The following ANTXR2 variants were observed in gnomAD, a reference collection of about 807,000 sequenced individuals.
ANTXR2 encodes the protein anthrax toxin receptor 2.
A neutral mutation model predicts 73.7 loss-of-function variants in ANTXR2; 44 were observed. That is an observed-to-expected ratio of 0.60 (90% CI 0.47 to 0.77). The LOEUF (loss-of-function observed/expected upper bound fraction) is 0.77, where lower values mean the gene tolerates loss of function less well. ANTXR2 is among the 30% of genes least tolerant of loss of function. The pLI, the probability that ANTXR2 is intolerant of heterozygous loss-of-function variation, is 0.00. For synonymous variants in ANTXR2, 217 were observed against 205.9 expected (o/e 1.05, Z -0.46); for missense variants, 604 against 592.5 (o/e 1.02, Z -0.20).
intron 12 of ANTXR2, among the ~76,000 whole-genome samples, chr4:79,986,989 A>T (rs1730196113): frequency 1.3e-5 from 2 of 152,250 alleles, no homozygotes; most frequent in Non-Finnish European, 2.9e-5. Flanking sequence ...AAAAGCAAAT[A>T]GCTTCATCCA....
chr4:79,912,309 G>A (rs1476741493), intron 16 of ANTXR2, among the ~76,000 whole-genome samples: 1 of 151,652 alleles, frequency 6.6e-6, no homozygotes, highest in African/African-American at 2.4e-5. Flanking sequence ...TAAAGAATTA[G>A]GCAAATTAAT....
intron 12 of ANTXR2, among the ~76,000 whole-genome samples, chr4:80,000,549 T>A (rs1325532849): frequency 1.3e-5 from 2 of 152,080 alleles, no homozygotes; most frequent in Non-Finnish European, 2.9e-5. Flanking sequence ...CATGAAATTA[T>A]TAGTCTATAA....
Position 80,055,996 on chromosome 4 carries a change from C to G in ANTXR2, c.314G>C (p.Gly105Ala), listed in dbSNP as rs137852902. The change falls in exon 4 of 17, where the codon GGC becomes GCC. Residue 105 changes from glycine (G) to alanine (A), a missense_variant. By Grantham distance (60) the Gly-to-Ala change is moderately conservative. Transcript: ENST00000403729. ...ACTAACACGTTTTAAATCCTCCAAGCCTTTACTGATTTTGCCTCTGAAAAT... is the reference window on the plus strand; with the variant it reads ...ACTAACACGTTTTAAATCCTCCAAGGCTTTACTGATTTTGCCTCTGAAAAT... Reference protein sequence around the residue: ...LTGDRGKISKGLEDLKRVSPV... With the variant: ...LTGDRGKISKALEDLKRVSPV... 6.4e-7 allele frequency: 1 copy of G among 1,562,460 alleles called. No homozygotes were observed. The highest frequency in any genetic ancestry group is 1.4e-5 in the African/African-American group (1 of 72,562).
intron 7 of ANTXR2, among the ~76,000 whole-genome samples, chr4:80,041,593 C>T (rs1733251980): frequency 6.6e-6 from 1 of 152,000 alleles, no homozygotes; most frequent in African/African-American, 2.4e-5. Context: ...CACACATTAG[C>T]TATTTTTCCT....
At chr4:79,927,457 G>T (rs1278834566) in intron 16 of ANTXR2, among the ~76,000 whole-genome samples, 1 of 152,128 alleles carries the variant, frequency 6.6e-6, no homozygotes, top group African/African-American at 2.4e-5. Flanking sequence ...AAAATCTGCA[G>T]ATGCTCAAGT....
intron 12 of ANTXR2, among the ~76,000 whole-genome samples, chr4:79,997,253 G>A (rs1730772527): frequency 6.6e-6 from 1 of 151,292 alleles, no homozygotes; most frequent in Non-Finnish European, 1.5e-5. Flanking sequence ...ACATTGAATT[G>A]CCTTGGATTA....
intron 12 of ANTXR2, among the ~76,000 whole-genome samples, chr4:79,985,275 G>A (rs34312692): frequency 0.07 from 10,607 of 151,588 alleles, 452 homozygotes; most frequent in Middle Eastern, 0.11. Context: ...GCGTGAACCC[G>A]GGAGGCAGAG....
chr4:79,988,470 TC>T (rs1730304569), intron 12 of ANTXR2, among the ~76,000 whole-genome samples: 1 of 151,424 alleles, frequency 6.6e-6, no homozygotes, highest in Non-Finnish European at 1.5e-5. Flanking sequence ...ATACATACAC[TC>T]CCAAATTGGA....
At chr4:80,071,729 C>T in intron 1 of ANTXR2, 75 bp from the exon 2 acceptor site, 1 of 1,245,332 alleles carries the variant, frequency 8.0e-7, no homozygotes, top group Non-Finnish European at 1.2e-6. Flanking sequence ...ATGGTTCCTT[C>T]TTCAATGCCA....
chr4:80,018,799 A>G (rs753004808), intron 11 of ANTXR2, 99 bp downstream of exon 11: 11 of 963,952 alleles, frequency 1.1e-5, no homozygotes, highest in African/African-American at 1.8e-5. Flanking sequence ...TATTGTTTGC[A>G]TCTCCTTTAT....
chr4:80,028,562 C>T (rs1167231960), intron 10 of ANTXR2, among the ~76,000 whole-genome samples: 1 of 152,152 alleles, frequency 6.6e-6, no homozygotes, highest in African/African-American at 2.4e-5. Flanking sequence ...TCTAGGGTTA[C>T]TTCACCAGCA....
intron 13 of ANTXR2, 113 bp from the exon 14 acceptor site, chr4:79,984,083 A>G (rs1438352602): frequency 1.3e-6 from 1 of 756,700 alleles, no homozygotes; most frequent in Non-Finnish European, 2.1e-6. Context: ...TATGGAAAAA[A>G]CTATGTATAG....
intron 7 of ANTXR2, among the ~76,000 whole-genome samples, chr4:80,046,315 A>G (rs759690820): frequency 6.6e-6 from 1 of 151,722 alleles, no homozygotes; most frequent in Non-Finnish European, 1.5e-5. Context: ...AATTCCAAAA[A>G]TGCATAGTTT....
intron 12 of ANTXR2, among the ~76,000 whole-genome samples, chr4:80,006,678 T>A (rs767388607): frequency 6.6e-5 from 10 of 152,148 alleles, no homozygotes; most frequent in Non-Finnish European, 1.5e-4. Context: ...GAGTACCATG[T>A]ATCTAGTCTC....
At chr4:80,053,402 G>A (rs912897366) in intron 7 of ANTXR2, among the ~76,000 whole-genome samples, 1 of 151,560 alleles carries the variant, frequency 6.6e-6, no homozygotes, top group African/African-American at 2.4e-5. Context: ...AAAAGCCTAC[G>A]TGCTACTAAA....
intron 12 of ANTXR2, among the ~76,000 whole-genome samples, chr4:79,997,064 T>TAA (rs529583921): frequency 3.4e-5 from 5 of 146,390 alleles, no homozygotes; most frequent in South Asian, 2.1e-4. Context: ...CCGATTTCTT[T>TAA]AAAAAAAAAA....
In ANTXR2 at chr4:79,991,385, C is replaced by A. The variant is rs529620884; in HGVS notation, c.1042-6522G>T. On this transcript the variant is annotated intron_variant, in intron 12 of 16. Transcript: ENST00000403729. ...TGCTAATCATTAGAGAAATGCAAATCAAAACCACAACAAGATACCATCTCA... is the reference window on the plus strand; with the variant it reads ...TGCTAATCATTAGAGAAATGCAAATAAAAACCACAACAAGATACCATCTCA... Among the ~76,000 whole-genome samples, 6 of 152,170 alleles carry A rather than the reference C, an allele frequency of 3.9e-5. No homozygotes were observed. In the South Asian group the frequency reaches 8.3e-4, roughly 21 times the overall value.
chr4:80,022,778 T>A (rs1732228081), intron 10 of ANTXR2, among the ~76,000 whole-genome samples: 1 of 152,188 alleles, frequency 6.6e-6, no homozygotes, highest in South Asian at 2.1e-4. Flanking sequence ...TTCATTTTTA[T>A]TTGCCCCAAG....
At chr4:80,061,140 G>A (rs1053826436) in intron 3 of ANTXR2, among the ~76,000 whole-genome samples, 4 of 152,082 alleles carry the variant, frequency 2.6e-5, no homozygotes, top group Admixed American at 2.0e-4. Flanking sequence ...AAACAATAGA[G>A]GAAACTACCA....
Sources: gnomAD v4.1 joint callset for allele counts (sites outside exome capture counted in the v4.1 genomes callset) on GRCh38, gnomAD v4.1.1 for gene constraint, MANE v1.5 for transcripts, NCBI Gene and HGNC (gene_info 2026-07-23, HGNC 2026-07-21) for gene names.